Variants in PPP1R9A observed in about 807,000 individuals in gnomAD.
The protein encoded by PPP1R9A is protein phosphatase 1 regulatory subunit 9A.
A neutral mutation model predicts 141.9 loss-of-function variants in PPP1R9A; 59 were observed. That is an observed-to-expected ratio of 0.42 (90% CI 0.34 to 0.52). The LOEUF (loss-of-function observed/expected upper bound fraction) is 0.52, where lower values mean the gene tolerates loss of function less well. Ranked by LOEUF, PPP1R9A falls within the 20% of genes least tolerant of loss-of-function variation. The pLI is 0.10. For missense variants in PPP1R9A, 1,444 were observed against 1,611.9 expected (o/e 0.90, Z 1.78); for synonymous variants, 500 against 569.7 (o/e 0.88, Z 1.74).
intron 2 of PPP1R9A, among the ~76,000 whole-genome samples, chr7:95,072,830 TA>T (rs1563197250): frequency 2.2e-4 from 13 of 59,086 alleles, no homozygotes; most frequent in African/African-American, 1.1e-3. Context: ...TTATTATATA[TA>T]TAATAATTAT....
intron 14 of PPP1R9A, among the ~76,000 whole-genome samples, chr7:95,272,277 G>A (rs1206284668): frequency 1.3e-5 from 2 of 152,098 alleles, no homozygotes; most frequent in Non-Finnish European, 1.5e-5. Context: ...GTTGCTTTAG[G>A]ATTGATCTGG....
intron 5 of PPP1R9A, among the ~76,000 whole-genome samples, chr7:95,192,083 AT>A (rs1367585537): frequency 1.3e-5 from 2 of 152,048 alleles, no homozygotes; most frequent in Non-Finnish European, 2.9e-5. Context: ...GGCAACAGAA[AT>A]TTTGGTTTTC....
At chr7:95,240,966 T>C (rs959336361) in intron 8 of PPP1R9A, among the ~76,000 whole-genome samples, 15 of 152,136 alleles carry the variant, frequency 9.9e-5, no homozygotes, top group African/African-American at 3.1e-4. Flanking sequence ...TCAGTAATTA[T>C]TCACTTTTTG....
chr7:95,135,426 T>C (rs944328761), intron 4 of PPP1R9A, among the ~76,000 whole-genome samples: 15 of 152,214 alleles, frequency 9.9e-5, no homozygotes, highest in Admixed American at 2.0e-4. Context: ...GATTACTTAG[T>C]CCCTTCAGTT....
intron 2 of PPP1R9A, among the ~76,000 whole-genome samples, chr7:94,982,891 C>G (rs1800304592): frequency 6.6e-6 from 1 of 152,050 alleles, no homozygotes; most frequent in African/African-American, 2.4e-5. Context: ...AAGTCCTTGC[C>G]CATGCTTATG....
intron 12 of PPP1R9A, 43 bp from the exon 13 acceptor site, chr7:95,268,507 T>C: frequency 6.2e-7 from 1 of 1,605,544 alleles, no homozygotes; most frequent in Middle Eastern, 1.7e-4. Flanking sequence ...TCATCAGTTC[T>C]CTCCAAAGGT....
At chr7:95,239,738 A>T (rs1016663390) in intron 8 of PPP1R9A, among the ~76,000 whole-genome samples, 4 of 151,820 alleles carry the variant, frequency 2.6e-5, no homozygotes, top group Non-Finnish European at 5.9e-5. Flanking sequence ...TAAGTTTTTG[A>T]AAAGTGTTTA....
At chr7:95,220,310 G>A (rs963886934) in intron 7 of PPP1R9A, among the ~76,000 whole-genome samples, 3 of 152,040 alleles carry the variant, frequency 2.0e-5, no homozygotes, top group Non-Finnish European at 4.4e-5. Context: ...ACAGAAGTGC[G>A]TCTGAAAATA....
chr7:95,013,523 G>C (rs1804703426), intron 2 of PPP1R9A, among the ~76,000 whole-genome samples: 1 of 152,088 alleles, frequency 6.6e-6, no homozygotes, highest in Admixed American at 6.6e-5. Flanking sequence ...AGAGTAAGAT[G>C]ATATACAAGT....
At chr7:95,151,452 C>T (rs1057212717) in intron 4 of PPP1R9A, among the ~76,000 whole-genome samples, 9 of 151,928 alleles carry the variant, frequency 5.9e-5, no homozygotes, top group Non-Finnish European at 1.2e-4. Flanking sequence ...CATTGTTTGC[C>T]GGGGATTTGG....
intron 2 of PPP1R9A, among the ~76,000 whole-genome samples, chr7:95,092,034 G>A (rs577312681): frequency 6.6e-6 from 1 of 152,102 alleles, no homozygotes; most frequent in Admixed American, 6.5e-5. Flanking sequence ...AGAATCACTC[G>A]ATGGTAGCTG....
At chr7:95,042,023 T>G (rs1455184176) in intron 2 of PPP1R9A, among the ~76,000 whole-genome samples, 1 of 152,076 alleles carries the variant, frequency 6.6e-6, no homozygotes, top group Non-Finnish European at 1.5e-5. Flanking sequence ...CACTCACTGG[T>G]GGGGAGAGGG....
chr7:95,154,125 T>C (rs946222547), intron 4 of PPP1R9A, among the ~76,000 whole-genome samples: 2 of 151,996 alleles, frequency 1.3e-5, no homozygotes, highest in African/African-American at 4.8e-5. Flanking sequence ...GTTTTTTTCT[T>C]TGTATTTTTT....
Position 95,011,150 on chromosome 7 carries a change from A to G in PPP1R9A, c.1395+99642A>G, listed in dbSNP as rs527246394. 2.6e-5 allele frequency among the ~76,000 whole-genome samples: 4 copies of G among 152,300 alleles called. No individual in the cohort carries two copies. In the South Asian group the frequency reaches 8.3e-4, roughly 32 times the overall value. On this transcript the variant is annotated intron_variant, in intron 2 of 19. Transcript: ENST00000433360. Reference sequence around the variant, plus strand: ...TACCTCATGCTCAATATTATGTTATATTTAAAATGAGAATCATGCAAACAT... The same window carrying G: ...TACCTCATGCTCAATATTATGTTATGTTTAAAATGAGAATCATGCAAACAT...
chr7:94,960,414 G>T (rs1797503084), intron 2 of PPP1R9A, among the ~76,000 whole-genome samples: 1 of 151,506 alleles, frequency 6.6e-6, no homozygotes, highest in African/African-American at 2.4e-5. Context: ...CTCTTAAAAA[G>T]TACACTGATA....
At chr7:95,035,483 T>C (rs972701292) in intron 2 of PPP1R9A, among the ~76,000 whole-genome samples, 1 of 152,208 alleles carries the variant, frequency 6.6e-6, no homozygotes, top group African/African-American at 2.4e-5. Context: ...AGTTTTATGA[T>C]CTGTTATCCT....
At chr7:95,072,408 A>G (rs1264808215) in intron 2 of PPP1R9A, among the ~76,000 whole-genome samples, 2 of 144,096 alleles carry the variant, frequency 1.4e-5, no homozygotes, top group Non-Finnish European at 3.0e-5. Context: ...AGACAGGGAC[A>G]TTTATTTATG....
chr7:95,195,639 A>G (rs1563395785), intron 5 of PPP1R9A, among the ~76,000 whole-genome samples: 1 of 152,126 alleles, frequency 6.6e-6, no homozygotes, highest in Admixed American at 6.6e-5. Context: ...AAAAAATGAA[A>G]AAGCAAGCCA....
chr7:95,122,546 A>G (rs866809107), intron 4 of PPP1R9A, among the ~76,000 whole-genome samples: 2 of 152,172 alleles, frequency 1.3e-5, no homozygotes, highest in Non-Finnish European at 2.9e-5. Context: ...CACACCTTAT[A>G]TCTTCTTTTC....
Sources: gnomAD v4.1 joint callset for allele counts (sites outside exome capture counted in the v4.1 genomes callset) on GRCh38, gnomAD v4.1.1 for gene constraint, MANE v1.5 for transcripts, NCBI Gene and HGNC (gene_info 2026-07-23, HGNC 2026-07-21) for gene names.